The following ZNF638 variants were observed in gnomAD, a reference collection of about 807,000 sequenced individuals.
ZNF638 encodes zinc finger protein 638.
A neutral mutation model predicts 195.6 loss-of-function variants in ZNF638; 46 were observed. The observed-to-expected ratio is 0.24, with a 90% CI of 0.19 to 0.30. The LOEUF is 0.30. ZNF638 is among the 10% of genes least tolerant of loss of function. The pLI, the probability that ZNF638 is intolerant of heterozygous loss-of-function variation, is 1.00. For missense variants in ZNF638, 2,440 were observed against 2,325.3 expected (o/e 1.05, Z -1.01); for synonymous variants, 845 against 772.0 (o/e 1.09, Z -1.57).
At chr2:71,429,716 C>T (rs944166622) in intron 25 of ZNF638, among the ~76,000 whole-genome samples, 18 of 152,182 alleles carry the variant, frequency 1.2e-4, no homozygotes, top group African/African-American at 4.3e-4. Flanking sequence ...TACCACTTTC[C>T]TGAAAATGAT....
intron 20 of ZNF638, among the ~76,000 whole-genome samples, chr2:71,417,067 T>G (rs1266459356): frequency 1.6e-5 from 2 of 121,752 alleles, no homozygotes; most frequent in African/African-American, 3.2e-5. Flanking sequence ...CGGGCGCCCC[T>G]CCCCCAGCCT....
At chr2:71,369,538 G>A (rs2079270577) in intron 7 of ZNF638, among the ~76,000 whole-genome samples, 1 of 152,092 alleles carries the variant, frequency 6.6e-6, no homozygotes, top group African/African-American at 2.4e-5. Flanking sequence ...TTTGTTGCAA[G>A]AAGCCTTTAA....
Position 71,433,172 on chromosome 2 carries a change from C to A in ZNF638, c.5760C>A (p.Asp1920Glu). 6.2e-7 allele frequency: 1 copy of A among 1,607,012 alleles called. No individual in the cohort carries two copies. The highest frequency in any genetic ancestry group is 8.5e-7 in the Non-Finnish European group (1 of 1,173,914). ...TCTCTTCTTATCCTCTAGAATTAGA[C>A]TTTCTTGTACCTAAGGCTGGATTCT... ...SVASDVPEEL[D>E]FLVPKAGFFC... The change falls in exon 27 of 28, where the codon GAC (aspartate) becomes GAA (glutamate). Residue 1920 changes from aspartate to glutamate, a missense_variant. By Grantham distance (45) the Asp-to-Glu change is conservative. Coordinates refer to ENST00000264447, the MANE Select transcript of ZNF638 (RefSeq NM_014497.5).
At chr2:71,341,331 A>G (rs986527597) in intron 1 of ZNF638, among the ~76,000 whole-genome samples, 1 of 152,216 alleles carries the variant, frequency 6.6e-6, no homozygotes, top group African/African-American at 2.4e-5. Context: ...AAACAGTTCA[A>G]AGGTTCAGCA....
chr2:71,433,014 G>T (rs1478620592), intron 26 of ZNF638, 151 bp from the exon 27 acceptor site: 19 of 668,360 alleles, frequency 2.8e-5, no homozygotes, highest in Non-Finnish European at 4.8e-5. Flanking sequence ...ATGAACCCAG[G>T]AGGCAGAGGT....
At chr2:71,358,200 A>G (rs1029435714) in intron 3 of ZNF638, among the ~76,000 whole-genome samples, 5 of 152,164 alleles carry the variant, frequency 3.3e-5, no homozygotes, top group Admixed American at 1.3e-4. Flanking sequence ...GACACTGGCT[A>G]TTGGATCTAG....
At chr2:71,400,454 T>C (rs2079984478) in intron 14 of ZNF638, 24 bp from the exon 15 acceptor site, 1 of 1,594,594 alleles carries the variant, frequency 6.3e-7, no homozygotes, top group Admixed American at 1.8e-5. Flanking sequence ...GTCTGCATTG[T>C]TTTTAATTTT....
intron 8 of ZNF638, chr2:71,374,037 G>A (rs1384533633): frequency 6.6e-6 from 1 of 152,098 alleles, no homozygotes; most frequent in East Asian, 1.9e-4. Flanking sequence ...TGTTGCCCAA[G>A]GTGATCTCAC....
intron 25 of ZNF638, among the ~76,000 whole-genome samples, chr2:71,429,231 C>T (rs561265710): frequency 2.6e-5 from 4 of 152,262 alleles, no homozygotes; most frequent in Admixed American, 6.5e-5. Context: ...GTAAGGGTAT[C>T]GCTTTTACCA....
chr2:71,430,956 C>T (rs763085984), intron 25 of ZNF638: 4 of 161,776 alleles, frequency 2.5e-5, no homozygotes, highest in Non-Finnish European at 5.4e-5. Context: ...CAGTATTGGG[C>T]CATAGAATCA....
rs2080018249 is a variant in ZNF638, at chr2:71,402,101, A to C, written c.2829+14A>C. ...TCTCATAAAAAGGTAAGAGTTGATT[A>C]ATAGCTGTTCATATCCTCTGCAAGC... On this transcript the variant is annotated intron_variant, in intron 16 of 27. Transcript: ENST00000264447. 1 of 1,599,760 alleles carries C rather than the reference A, an allele frequency of 6.3e-7. No homozygotes were observed. Among genetic ancestry groups the C allele is most frequent in the Admixed American group, 1.8e-5 (1 of 56,966 alleles).
chr2:71,427,153 C>T lies in ZNF638; in HGVS notation c.5284C>T (p.Leu1762=), dbSNP rs1354996200. ...AGTAACTGAAGAGGATGAAGACTCT[C>T]TGGCGGATTTTAACAACCTTAAAGA... The part of the protein sequence containing the change: ...DEVTEEDEDS[L]ADFNNLKEEL... Residue 1762 remains leucine, a synonymous_variant, in exon 24 of 28, where the codon CTG becomes TTG. Transcript: ENST00000264447. 1 of 1,612,882 alleles carries T rather than the reference C, an allele frequency of 6.2e-7. No homozygotes were observed. Among genetic ancestry groups the T allele is most frequent in the Non-Finnish European group, 8.5e-7 (1 of 1,179,642 alleles).
intron 25 of ZNF638, 146 bp downstream of exon 25, chr2:71,428,797 T>G (rs937953284): frequency 3.4e-6 from 2 of 589,536 alleles, no homozygotes; most frequent in Non-Finnish European, 3.0e-6. Flanking sequence ...TAGATGTGGG[T>G]AACATTTTGA....
chr2:71,348,229 A>T (rs1463481639), intron 1 of ZNF638, among the ~76,000 whole-genome samples: 2 of 152,230 alleles, frequency 1.3e-5, no homozygotes, highest in East Asian at 3.8e-4. Flanking sequence ...ACTATTTAAT[A>T]ATAGGAACAT....
At chr2:71,372,776 G>A (rs912119584) in intron 8 of ZNF638, among the ~76,000 whole-genome samples, 1 of 152,170 alleles carries the variant, frequency 6.6e-6, no homozygotes, top group African/African-American at 2.4e-5. Context: ...GCTGTGGAAT[G>A]GCTACTTTAT....
chr2:71,431,565 C>A (rs2080661487), intron 26 of ZNF638, 137 bp downstream of exon 26: 3 of 660,062 alleles, frequency 4.5e-6, no homozygotes, highest in African/African-American at 3.7e-5. Flanking sequence ...TGAGACCATC[C>A]TGGCTAACAC....
At chr2:71,337,694 A>C (rs565830166) in intron 1 of ZNF638, among the ~76,000 whole-genome samples, 1 of 152,292 alleles carries the variant, frequency 6.6e-6, no homozygotes, top group African/African-American at 2.4e-5. Flanking sequence ...GCATGAGCCA[A>C]TGCGCAGCCT....
chr2:71,431,759 C>CA (rs67530729), intron 26 of ZNF638, among the ~76,000 whole-genome samples: 3,984 of 101,904 alleles, frequency 0.039, 111 homozygotes, highest in South Asian at 0.16. Context: ...GACTCCGTCT[C>CA]AAAAAAAAAA....
At chr2:71,363,474 A>G (rs2079142886) in intron 4 of ZNF638, among the ~76,000 whole-genome samples, 1 of 152,136 alleles carries the variant, frequency 6.6e-6, no homozygotes, top group Non-Finnish European at 1.5e-5. Flanking sequence ...GAGTGATATT[A>G]TTAAGTTCTG....
Sources: allele counts gnomAD v4.1 joint callset (sites outside exome capture counted in the v4.1 genomes callset), GRCh38; gene constraint gnomAD v4.1.1; transcripts MANE v1.5; gene names NCBI Gene and HGNC (gene_info 2026-07-23, HGNC 2026-07-21).